Variants in FBXL20 observed in about 807,000 individuals in gnomAD.
FBXL20 encodes F-box/LRR-repeat protein 20.
A neutral mutation model predicts 64.0 loss-of-function variants in FBXL20; 11 were observed. That is an observed-to-expected ratio of 0.17 (90% CI 0.11 to 0.28). The LOEUF is 0.28. Among genes scored for constraint, FBXL20 ranks in the 10% least tolerant of loss-of-function variants. The pLI, the probability that FBXL20 is intolerant of heterozygous loss-of-function variation, is 1.00. For missense variants in FBXL20, 303 were observed against 526.2 expected (o/e 0.58, Z 4.15); for synonymous variants, 184 against 189.0 (o/e 0.97, Z 0.22).
chr17:39,264,596 A>C (rs1271871546), intron 13 of FBXL20, among the ~76,000 whole-genome samples: 1 of 152,226 alleles, frequency 6.6e-6, no homozygotes, highest in Non-Finnish European at 1.5e-5. Context: ...GTGTGATTCT[A>C]AATATATTTT....
At position 39,256,592 on chromosome 17, in the gene FBXL20, T is replaced by C. The variant is rs1446773226; in HGVS notation, c.*4868A>G. 6.6e-6 allele frequency: 1 copy of C among 152,154 alleles called. No homozygotes were observed. The highest frequency in any genetic ancestry group is 2.4e-5 in the African/African-American group (1 of 41,430). The allele number at this position is 152,154 out of a possible 1,614,324, so 9.4% of individuals were successfully genotyped here. A position where few individuals can be genotyped will look rare whatever the true frequency, so the allele number is the denominator to read the frequency against. ...TGTAAAATGCTTCAGAGCTCAAACATATGATTGAGAAAGTCTGTCAGCCAG... is the reference window on the plus strand; with the variant it reads ...TGTAAAATGCTTCAGAGCTCAAACACATGATTGAGAAAGTCTGTCAGCCAG... On this transcript the variant is annotated 3_prime_UTR_variant, in exon 15 of 15. Coordinates refer to ENST00000264658, the MANE Select transcript of FBXL20 (RefSeq NM_032875.3).
At chr17:39,274,917 G>A in intron 10 of FBXL20, 53 bp downstream of exon 10, 1 of 1,606,670 alleles carries the variant, frequency 6.2e-7, no homozygotes, top group Non-Finnish European at 8.5e-7. Context: ...AGAAATATGG[G>A]TGAAGGAAAC....
chr17:39,347,542 A>G (rs557067114), intron 1 of FBXL20, among the ~76,000 whole-genome samples: 33 of 151,692 alleles, frequency 2.2e-4, no homozygotes, highest in Admixed American at 3.3e-4. Context: ...GGGTTGTTTG[A>G]TTTTTTCTTG....
At chr17:39,365,983 C>T (rs181479190) in intron 1 of FBXL20, among the ~76,000 whole-genome samples, 3 of 152,078 alleles carry the variant, frequency 2.0e-5, no homozygotes, top group Admixed American at 6.6e-5. Context: ...AAGACAACAA[C>T]GGAATTTAAA....
rs756998635 is a variant in FBXL20 at position 39,343,267 on chromosome 17, A to G, written c.43-26T>C. 5.3e-6 allele frequency: 8 copies of G among 1,516,436 alleles called. 1 individual carries two copies. The South Asian group carries it at 9.7e-5, about 18-fold the overall frequency. 93.9% of individuals were successfully genotyped at this position (1,516,436 alleles called of 1,614,324 possible). A position where few individuals can be genotyped will look rare whatever the true frequency, so the allele number is the denominator to read the frequency against. Reference sequence around the variant, plus strand: ...CTGCAAAAACAAAATCATAGTGTCAAGTGTTACTTAACATTTTATTACAGA... The same window carrying G: ...CTGCAAAAACAAAATCATAGTGTCAGGTGTTACTTAACATTTTATTACAGA... On this transcript the variant is annotated intron_variant, in intron 1 of 14. Transcript: ENST00000264658.
chr17:39,285,384 C>T (rs1048884723), intron 7 of FBXL20, 94 bp downstream of exon 7: 1 of 739,340 alleles, frequency 1.4e-6, no homozygotes, highest in Non-Finnish European at 2.1e-6. Flanking sequence ...ATCCATAAAA[C>T]AGAGTTGCCT....
At chr17:39,287,145 T>C (rs1191378524) in intron 6 of FBXL20, among the ~76,000 whole-genome samples, 1 of 151,992 alleles carries the variant, frequency 6.6e-6, no homozygotes, top group African/African-American at 2.4e-5. Flanking sequence ...ACTCCTGACC[T>C]TGTGATCTGC....
At chr17:39,339,889 G>C (rs1283464734) in intron 2 of FBXL20, among the ~76,000 whole-genome samples, 1 of 151,468 alleles carries the variant, frequency 6.6e-6, no homozygotes, top group Non-Finnish European at 1.5e-5. Context: ...CTCGTGATCC[G>C]CCCGTCTCAG....
At chr17:39,360,809 C>T (rs957912405) in intron 1 of FBXL20, among the ~76,000 whole-genome samples, 3 of 152,190 alleles carry the variant, frequency 2.0e-5, no homozygotes, top group African/African-American at 7.2e-5. Context: ...TATACCACCC[C>T]AGGAACTCCT....
chr17:39,299,956 G>A (rs563257430), intron 4 of FBXL20, among the ~76,000 whole-genome samples: 1 of 152,122 alleles, frequency 6.6e-6, no homozygotes, highest in South Asian at 2.1e-4. Context: ...AATTAGCCGG[G>A]CATGGTGGCT....
At chr17:39,323,126 T>C (rs1338646723) in intron 2 of FBXL20, among the ~76,000 whole-genome samples, 3 of 152,104 alleles carry the variant, frequency 2.0e-5, no homozygotes, top group Non-Finnish European at 2.9e-5. Context: ...CCTGCCACTG[T>C]GCCCAGCCAA....
chr17:39,341,925 G>T (rs963319898), intron 2 of FBXL20, among the ~76,000 whole-genome samples: 1 of 152,172 alleles, frequency 6.6e-6, no homozygotes, highest in African/African-American at 2.4e-5. Flanking sequence ...GATGACAAAA[G>T]CAAGAAAGAG....
chr17:39,286,905 A>ATTT (rs1555604421), intron 6 of FBXL20, among the ~76,000 whole-genome samples: 1 of 127,174 alleles, frequency 7.9e-6, no homozygotes. Flanking sequence ...TTCAGTATCT[A>ATTT]TTTCTTTTTT....
At chr17:39,290,790 T>C (rs2047030671) in intron 6 of FBXL20, among the ~76,000 whole-genome samples, 1 of 152,146 alleles carries the variant, frequency 6.6e-6, no homozygotes, top group African/African-American at 2.4e-5. Flanking sequence ...CTCAAACTCC[T>C]GGGTGCAAGC....
intron 6 of FBXL20, among the ~76,000 whole-genome samples, chr17:39,290,536 C>A (rs1355699024): frequency 1.3e-5 from 2 of 152,080 alleles, no homozygotes; most frequent in African/African-American, 4.8e-5. Context: ...TATACTTGAT[C>A]AGGTTGAAGA....
chr17:39,381,161 A>C (rs962378529), intron 1 of FBXL20, among the ~76,000 whole-genome samples: 1 of 140,780 alleles, frequency 7.1e-6, no homozygotes, highest in Non-Finnish European at 1.5e-5. Context: ...ACTCCGTCTC[A>C]AAAAAAAAAA....
chr17:39,322,088 G>A (rs914558353), intron 2 of FBXL20, among the ~76,000 whole-genome samples: 2 of 149,178 alleles, frequency 1.3e-5, no homozygotes, highest in Non-Finnish European at 2.9e-5. Context: ...ATGCCTGGAA[G>A]GCCAAGGCAG....
At chr17:39,281,760 T>C (rs1293275789) in intron 8 of FBXL20, among the ~76,000 whole-genome samples, 1 of 152,134 alleles carries the variant, frequency 6.6e-6, no homozygotes, top group East Asian at 1.9e-4. Flanking sequence ...TAAATATACC[T>C]GACAGCATTT....
upstream of FBXL20, chr17:39,402,323 C>T (rs2144699975): frequency 1.3e-6 from 1 of 775,102 alleles, no homozygotes; most frequent in East Asian, 3.4e-5. Context: ...CGCCCCAGTG[C>T]ATTACATTAC....
Sources: allele counts gnomAD v4.1 joint callset (sites outside exome capture counted in the v4.1 genomes callset), GRCh38; gene constraint gnomAD v4.1.1; transcripts MANE v1.5; gene names NCBI Gene and HGNC (gene_info 2026-07-23, HGNC 2026-07-21).